The following SEMA6D variants were observed in gnomAD, a reference collection of about 807,000 sequenced individuals.
SEMA6D encodes semaphorin 6D, also known as semaphorin-6D.
SEMA6D carries 35 observed loss-of-function variants against 106.6 expected under a neutral mutation model. The observed-to-expected ratio is 0.33, with a 90% confidence interval of 0.25 to 0.44. The LOEUF (loss-of-function observed/expected upper bound fraction) is 0.44, where lower values mean the gene tolerates loss of function less well. Among genes scored for constraint, SEMA6D ranks in the 20% least tolerant of loss-of-function variants. The probability of loss-of-function intolerance (pLI) is 1.00; values close to 1 mark genes in which losing one functional copy is unlikely to be tolerated. For missense variants in SEMA6D, 1,185 were observed against 1,345.9 expected (o/e 0.88, Z 1.87); for synonymous variants, 499 against 487.7 (o/e 1.02, Z -0.31).
At chr15:47,766,987 C>A in intron 16 of SEMA6D, 50 bp from the exon 17 acceptor site, 1 of 1,074,402 alleles carries the variant, frequency 9.3e-7, no homozygotes, top group Non-Finnish European at 1.3e-6. Context: ...TAAATTTTTG[C>A]TTTCTTTTGG....
At chr15:47,418,244 CAA>C (rs1174915674) in intron 2 of SEMA6D, among the ~76,000 whole-genome samples, 1 of 152,016 alleles carries the variant, frequency 6.6e-6, no homozygotes, top group African/African-American at 2.4e-5. Context: ...AGCTCTGAGA[CAA>C]GAGAATGGGT....
intron 1 of SEMA6D, among the ~76,000 whole-genome samples, chr15:47,277,686 T>C (rs530271327): frequency 5.9e-5 from 9 of 151,648 alleles, no homozygotes; most frequent in African/African-American, 1.9e-4. Context: ...TATGTATACA[T>C]GTGCCATGCT....
chr15:47,440,344 G>A (rs1372829253), intron 2 of SEMA6D, among the ~76,000 whole-genome samples: 1 of 151,990 alleles, frequency 6.6e-6, no homozygotes, highest in Non-Finnish European at 1.5e-5. Context: ...GCAAATCGGG[G>A]ATAGGGATTT....
chr15:47,448,135 G>A (rs941901649), intron 2 of SEMA6D, among the ~76,000 whole-genome samples: 2 of 152,054 alleles, frequency 1.3e-5, no homozygotes, highest in Non-Finnish European at 2.9e-5. Flanking sequence ...CTGGCTTGCT[G>A]CTGTTCATTG....
At chr15:47,334,358 C>A (rs2037466957) in intron 1 of SEMA6D, among the ~76,000 whole-genome samples, 1 of 152,112 alleles carries the variant, frequency 6.6e-6, no homozygotes, top group African/African-American at 2.4e-5. Context: ...ATGGGAACCC[C>A]CATTTAAAGC....
intron 7 of SEMA6D, 124 bp from the exon 8 acceptor site, chr15:47,762,076 G>T (rs1310882894): frequency 7.7e-6 from 8 of 1,036,522 alleles, no homozygotes; most frequent in African/African-American, 1.6e-5. Context: ...ATCAGGTGTA[G>T]CCCTATTTGT....
intron 1 of SEMA6D, among the ~76,000 whole-genome samples, chr15:47,373,669 C>T (rs1344887333): frequency 6.6e-6 from 1 of 152,158 alleles, no homozygotes; most frequent in African/African-American, 2.4e-5. Flanking sequence ...GGGTGTTTAT[C>T]AACCTTGTAA....
intron 4 of SEMA6D, among the ~76,000 whole-genome samples, chr15:47,708,365 T>TGCCC (rs1232354031): frequency 6.6e-6 from 1 of 152,176 alleles, no homozygotes; most frequent in Non-Finnish European, 1.5e-5. Flanking sequence ...CTGCCCTCTC[T>TGCCC]GCCCAAAGTA....
chr15:47,516,192 A>G (rs897494769), intron 3 of SEMA6D, among the ~76,000 whole-genome samples: 1 of 152,184 alleles, frequency 6.6e-6, no homozygotes, highest in Non-Finnish European at 1.5e-5. Context: ...GATTAATTTT[A>G]TAGCCATGGT....
At chr15:47,247,659 G>C (rs761625227) in intron 1 of SEMA6D, among the ~76,000 whole-genome samples, 8 of 151,954 alleles carry the variant, frequency 5.3e-5, no homozygotes, top group African/African-American at 1.9e-4. Context: ...ATGAATACTG[G>C]CTTTTTTTCT....
At chr15:47,621,541 G>C (rs2077099667) in intron 4 of SEMA6D, among the ~76,000 whole-genome samples, 1 of 152,046 alleles carries the variant, frequency 6.6e-6, no homozygotes, top group African/African-American at 2.4e-5. Context: ...CAATTTCCGG[G>C]GTCCCCAGAG....
intron 4 of SEMA6D, among the ~76,000 whole-genome samples, chr15:47,654,808 C>T (rs947299597): frequency 1.6e-4 from 24 of 152,234 alleles, no homozygotes; most frequent in African/African-American, 5.5e-4. Context: ...ATTGAGGTTT[C>T]TCCAGAAGCT....
At chr15:47,370,375 C>T (rs1236146666) in intron 1 of SEMA6D, among the ~76,000 whole-genome samples, 1 of 151,902 alleles carries the variant, frequency 6.6e-6, no homozygotes, top group Admixed American at 6.6e-5. Flanking sequence ...ATTAGCCAGG[C>T]TTGATGGTTC....
At chr15:47,451,050 A>C (rs920579937) in intron 2 of SEMA6D, among the ~76,000 whole-genome samples, 3 of 152,136 alleles carry the variant, frequency 2.0e-5, no homozygotes, top group African/African-American at 7.2e-5. Context: ...CTCAAAAAAC[A>C]AAAAATCAAC....
At chr15:47,598,668 A>G (rs2076583507) in intron 3 of SEMA6D, among the ~76,000 whole-genome samples, 2 of 152,246 alleles carry the variant, frequency 1.3e-5, no homozygotes, top group South Asian at 4.1e-4. Flanking sequence ...TCCAGCTGTA[A>G]GTGGTAAGGG....
chr15:47,543,795 G>A (rs1032652958), intron 3 of SEMA6D, among the ~76,000 whole-genome samples: 6 of 151,976 alleles, frequency 3.9e-5, no homozygotes, highest in African/African-American at 1.5e-4. Context: ...ACAAGAAGAT[G>A]GTAACCTGCT....
chr15:47,757,473 G>A (rs139255890), intron 1 of SEMA6D, among the ~76,000 whole-genome samples: 1 of 152,250 alleles, frequency 6.6e-6, no homozygotes, highest in African/African-American at 2.4e-5. Flanking sequence ...GTATGGAAAA[G>A]CAAGACAAGA....
intron 1 of SEMA6D, among the ~76,000 whole-genome samples, chr15:47,723,933 C>G (rs1041031589): frequency 6.6e-6 from 1 of 152,200 alleles, no homozygotes. Flanking sequence ...GGAGTTTCTA[C>G]TCAGCTGAGG....
intron 2 of SEMA6D, among the ~76,000 whole-genome samples, chr15:47,420,977 G>T (rs555663313): frequency 6.6e-6 from 1 of 152,062 alleles, no homozygotes; most frequent in East Asian, 1.9e-4. Context: ...GCATAAAATT[G>T]CTATTTCTCT....
Sources: gnomAD v4.1 joint callset for allele counts (sites outside exome capture counted in the v4.1 genomes callset) on GRCh38, gnomAD v4.1.1 for gene constraint, MANE v1.5 for transcripts, NCBI Gene and HGNC (gene_info 2026-07-23, HGNC 2026-07-21) for gene names.